The following UACA variants were observed in gnomAD, a reference collection of about 807,000 sequenced individuals.
UACA encodes nuclear membrane binding protein.
Under a neutral mutation model 160.5 loss-of-function variants are expected in UACA, and 112 were observed. The ratio of observed to expected loss-of-function variants is 0.70; its 90% confidence interval spans 0.60 to 0.82. The LOEUF (loss-of-function observed/expected upper bound fraction) is 0.82. Among genes scored for constraint, UACA ranks in the 40% least tolerant of loss-of-function variants. The pLI is 0.00. For missense variants in UACA, 1,574 were observed against 1,614.6 expected (o/e 0.97, Z 0.43); for synonymous variants, 557 against 568.4 (o/e 0.98, Z 0.29).
intron 1 of UACA, among the ~76,000 whole-genome samples, chr15:70,736,951 G>A (rs572427105): frequency 2.2e-3 from 335 of 152,242 alleles, no homozygotes; most frequent in Admixed American, 4.8e-3. Context: ...TTATGTAACC[G>A]GAGTTTCAGT....
intron 7 of UACA, among the ~76,000 whole-genome samples, chr15:70,684,729 A>ACTTAGTG (rs1897647323): frequency 6.6e-6 from 1 of 151,948 alleles, no homozygotes; most frequent in Non-Finnish European, 1.5e-5. Flanking sequence ...CACTACTTGA[A>ACTTAGTG]CACTTACTTG....
intron 1 of UACA, among the ~76,000 whole-genome samples, chr15:70,747,855 AAAAAT>A (rs1249955454): frequency 7.9e-5 from 12 of 152,292 alleles, no homozygotes; most frequent in African/African-American, 2.4e-4. Flanking sequence ...TTATATAGAA[AAAAAT>A]AAAATAGAAT....
intron 10 of UACA, among the ~76,000 whole-genome samples, chr15:70,679,025 T>C (rs1897385158): frequency 6.6e-6 from 1 of 152,176 alleles, no homozygotes; most frequent in Non-Finnish European, 1.5e-5. Context: ...AAAACAATAC[T>C]TTCTACACCA....
At chr15:70,698,822 T>G (rs1262353577) in intron 2 of UACA, among the ~76,000 whole-genome samples, 1 of 152,096 alleles carries the variant, frequency 6.6e-6, no homozygotes, top group Non-Finnish European at 1.5e-5. Context: ...AGGGACTAGA[T>G]CTACCCTTTA....
intron 1 of UACA, among the ~76,000 whole-genome samples, chr15:70,747,251 T>TTG (rs1412264792): frequency 1.7e-4 from 25 of 149,178 alleles, no homozygotes; most frequent in African/African-American, 5.5e-4. Flanking sequence ...GTTTTTTTTT[T>TTG]TTTTTTTTTT....
chr15:70,753,539 T>C (rs779980748), intron 1 of UACA, among the ~76,000 whole-genome samples: 1 of 152,226 alleles, frequency 6.6e-6, no homozygotes, highest in Non-Finnish European at 1.5e-5. Flanking sequence ...TACCTAACTC[T>C]TCACTTATTA....
intron 1 of UACA, among the ~76,000 whole-genome samples, chr15:70,737,909 C>T (rs1159306321): frequency 1.3e-5 from 2 of 152,172 alleles, no homozygotes; most frequent in Non-Finnish European, 2.9e-5. Context: ...TCCAGGCCCA[C>T]TCTACAATTC....
Position 70,667,682 on chromosome 15 carries a change from G to C in UACA, c.3002C>G (p.Thr1001Arg). ...TAACTGGTCTTTTAGTTCTTTCTCT[G>C]TTGCTTTAAATTTTCTCTCGCACTC... ...FEECERKFKATEKELKDQLSE... is the reference protein window; with the variant it reads ...FEECERKFKAREKELKDQLSE... Residue 1001 changes from threonine to arginine, a missense_variant, in exon 16 of 19, where the codon ACA becomes AGA. Physicochemically the swap from Thr to Arg is moderately conservative, Grantham distance 71. Transcript: ENST00000322954. 7 of 1,613,566 alleles carry C rather than the reference G, an allele frequency of 4.3e-6. No homozygotes were observed. Among genetic ancestry groups the C allele is most frequent in the Non-Finnish European group, 5.9e-6 (7 of 1,179,972 alleles).
chr15:70,680,496 T>G (rs1317266510), intron 9 of UACA, among the ~76,000 whole-genome samples: 1 of 152,188 alleles, frequency 6.6e-6, no homozygotes, highest in Non-Finnish European at 1.5e-5. Flanking sequence ...TTCAAATGAG[T>G]TTGGATCTAG....
At chr15:70,721,543 C>T (rs1040047080) in intron 1 of UACA, among the ~76,000 whole-genome samples, 40 of 151,598 alleles carry the variant, frequency 2.6e-4, no homozygotes, top group Non-Finnish European at 4.9e-4. Flanking sequence ...AGGAGAATGG[C>T]GTGAACCCAG....
At chr15:70,657,215 C>G in intron 18 of UACA, 88 bp from the exon 19 acceptor site, 1 of 1,030,472 alleles carries the variant, frequency 9.7e-7, no homozygotes, top group Non-Finnish European at 1.5e-6. Flanking sequence ...CAGAGCATAA[C>G]TAGTCATTGA....
At position 70,655,379 on chromosome 15, in the gene UACA, C is replaced by A. The variant is rs528502860; in HGVS notation, c.*1677G>T. 6.6e-6 allele frequency: 1 copy of A among 152,336 alleles called. No homozygotes were observed. Among genetic ancestry groups the A allele is most frequent in the South Asian group, 2.1e-4 (1 of 4,822 alleles). The allele number at this position is 152,336 out of a possible 1,614,324, so 9.4% of individuals were successfully genotyped here. A position where few individuals can be genotyped will look rare whatever the true frequency, so the allele number is the denominator to read the frequency against. ...AGTACCTGGGACTACAGGCACCTGC[C>A]ACCATGCAGGGCTAATTTTTGTATT... is the stretch of plus-strand genomic sequence containing the variant. On this transcript the variant is annotated 3_prime_UTR_variant, in exon 19 of 19. Transcript: ENST00000322954.
intron 1 of UACA, among the ~76,000 whole-genome samples, chr15:70,744,248 CAAAAAAA>C (rs5813608): frequency 1.2e-4 from 8 of 64,732 alleles, no homozygotes; most frequent in Admixed American, 3.8e-4. Flanking sequence ...GACTCTGTCT[CAAAAAAA>C]AAAAAAAAAA....
chr15:70,771,302 C>T, the UACA span, among the ~76,000 whole-genome samples: 988 of 152,148 alleles, frequency 6.5e-3, 8 homozygotes, highest in African/African-American at 0.022. Flanking sequence ...TCCTAATAGC[C>T]AAGGCAAAAC....
intron 1 of UACA, among the ~76,000 whole-genome samples, chr15:70,745,882 A>G (rs1301751282): frequency 6.6e-6 from 1 of 152,192 alleles, no homozygotes; most frequent in Non-Finnish European, 1.5e-5. Context: ...TACTTAATAA[A>G]TGGTGTTGGG....
At chr15:70,764,968 C>T (rs2030967844), upstream of UACA, among the ~76,000 whole-genome samples, 1 of 152,190 alleles carries the variant, frequency 6.6e-6, no homozygotes, top group African/African-American at 2.4e-5. Flanking sequence ...TGTCCCATCA[C>T]CAATAAATTA....
chr15:70,739,470 G>A (rs1253128613), intron 1 of UACA, among the ~76,000 whole-genome samples: 7 of 150,990 alleles, frequency 4.6e-5, no homozygotes, highest in Admixed American at 4.6e-4. Flanking sequence ...GATGAATAAA[G>A]GGATGAATTA....
Position 70,669,218 on chromosome 15 carries a change from T to C in UACA, c.1466A>G (p.Asp489Gly), listed in dbSNP as rs745438939. 2.5e-6 allele frequency: 4 copies of C among 1,614,096 alleles called. No homozygotes were observed. The highest frequency in any genetic ancestry group is 3.4e-6 in the Non-Finnish European group (4 of 1,179,994). Reference protein sequence around the residue: ...LECERVKEDSDEQIKQLEDAL... With the variant: ...LECERVKEDSGEQIKQLEDAL... ...ATCTTCTAATTGCTTTATCTGTTCA[T>C]CTGAATCCTCCTTGACCCTTTCACA... Residue 489 changes from aspartate to glycine, a missense_variant, in exon 16 of 19, where the codon GAT (aspartate) becomes GGT (glycine). Asp to Gly is a moderately conservative substitution (Grantham distance 94, BLOSUM62 -1). Transcript: ENST00000322954.
chr15:70,694,210 TGATA>T (rs1340809788), intron 3 of UACA, among the ~76,000 whole-genome samples: 6 of 151,924 alleles, frequency 3.9e-5, no homozygotes, highest in Admixed American at 6.6e-5. Context: ...ATGTTTATCC[TGATA>T]GATAGAAAAC....
Sources: allele counts gnomAD v4.1 joint callset (sites outside exome capture counted in the v4.1 genomes callset), GRCh38; gene constraint gnomAD v4.1.1; transcripts MANE v1.5; gene names NCBI Gene and HGNC (gene_info 2026-07-23, HGNC 2026-07-21).